CNKSR2: variants seen among roughly 807,000 people sequenced by gnomAD.
The protein encoded by CNKSR2 is CNK homolog protein 2.
In CNKSR2, 14 loss-of-function variants were observed where a neutral mutation model predicts 84.4. The observed-to-expected ratio is 0.17, with a 90% CI of 0.11 to 0.26. The LOEUF (loss-of-function observed/expected upper bound fraction) is 0.26, where lower values mean the gene tolerates loss of function less well. CNKSR2 is among the 10% of genes least tolerant of loss of function. CNKSR2 has a pLI of 1.00. For missense variants in CNKSR2, 485 were observed against 771.2 expected (o/e 0.63, Z 4.40); for synonymous variants, 275 against 277.9 (o/e 0.99, Z 0.10).
At chrX:21,638,395 A>T (rs2092680808) in intron 20 of CNKSR2, among the ~76,000 whole-genome samples, 1 of 112,200 alleles carries the variant, frequency 8.9e-6, no homozygotes, top group East Asian at 2.8e-4. Context: ...CAAAAAGAGA[A>T]AGAAACATCC....
intron 4 of CNKSR2, among the ~76,000 whole-genome samples, chrX:21,444,980 T>G (rs2147093314): frequency 9.0e-6 from 1 of 111,532 alleles, no homozygotes; most frequent in African/African-American, 3.2e-5. Flanking sequence ...GGATATAAAT[T>G]ATGCTGGAGT....
At chrX:21,462,307 ATTAT>A (rs1416077616) in intron 4 of CNKSR2, among the ~76,000 whole-genome samples, 1 of 111,338 alleles carries the variant, frequency 9.0e-6, no homozygotes, top group Non-Finnish European at 1.9e-5. Context: ...TGAAAATGGG[ATTAT>A]TTTTGTTTTC....
intron 11 of CNKSR2, among the ~76,000 whole-genome samples, chrX:21,560,480 C>T (rs1050980407): frequency 1.8e-5 from 2 of 110,829 alleles, no homozygotes; most frequent in Admixed American, 1.9e-4. Context: ...CAATTTAATA[C>T]TTATGAAACT....
chrX:21,584,924 C>G (rs2092376361), intron 13 of CNKSR2, among the ~76,000 whole-genome samples: 1 of 110,476 alleles, frequency 9.1e-6, no homozygotes, highest in African/African-American at 3.3e-5. Flanking sequence ...ATATTTTAAC[C>G]AGATCACTCT....
At chrX:21,546,274 A>G (rs1480393231) in intron 11 of CNKSR2, among the ~76,000 whole-genome samples, 1 of 109,040 alleles carries the variant, frequency 9.2e-6, no homozygotes, top group Non-Finnish European at 1.9e-5. Flanking sequence ...TTCGTGAAGC[A>G]TACACAAGTA....
intron 4 of CNKSR2, among the ~76,000 whole-genome samples, chrX:21,444,357 A>G (rs1016876955): frequency 3.6e-5 from 4 of 111,616 alleles, no homozygotes; most frequent in African/African-American, 9.7e-5. Flanking sequence ...TTGACATTTC[A>G]TATCATTTAC....
At chrX:21,590,443 T>TG (rs1354155317) in intron 13 of CNKSR2, 129 bp from the exon 14 acceptor site, 2 of 476,450 alleles carry the variant, frequency 4.2e-6, no homozygotes, top group Non-Finnish European at 6.7e-6. Flanking sequence ...TGAGGCTTTG[T>TG]GGGGAAAAAG....
chrX:21,421,115 TG>T (rs2090489582), intron 1 of CNKSR2, among the ~76,000 whole-genome samples: 2 of 110,817 alleles, frequency 1.8e-5, no homozygotes. Flanking sequence ...GCTCCCTCTG[TG>T]GGTGGGCATC....
intron 4 of CNKSR2, among the ~76,000 whole-genome samples, chrX:21,452,696 T>C (rs1345051964): frequency 1.8e-5 from 2 of 110,504 alleles, no homozygotes; most frequent in Admixed American, 9.7e-5. Flanking sequence ...TGTGGAAGAA[T>C]TGGCCGTGTT....
chrX:21,421,812 G>T (rs150426584), intron 1 of CNKSR2: 2,009 of 110,540 alleles, frequency 0.018, 111 homozygotes, highest in Admixed American at 0.16. Flanking sequence ...TTCAGTCCAG[G>T]GTTCTGTGCT....
intron 15 of CNKSR2, chrX:21,591,583 G>T (rs1426984592): frequency 9.1e-6 from 1 of 110,208 alleles, no homozygotes; most frequent in Admixed American, 9.8e-5. Context: ...TTAGAAGTGG[G>T]GAAGGGGAAG....
intron 11 of CNKSR2, among the ~76,000 whole-genome samples, chrX:21,550,747 ATG>A (rs1164926382): frequency 9.8e-5 from 11 of 111,899 alleles, no homozygotes; most frequent in Admixed American, 7.6e-4. Flanking sequence ...ATAAAAAAGG[ATG>A]AGTTTGCCGG....
At chrX:21,633,229 A>G (rs1346398075) in intron 20 of CNKSR2, among the ~76,000 whole-genome samples, 1 of 111,481 alleles carries the variant, frequency 9.0e-6, no homozygotes, top group Non-Finnish European at 1.9e-5. Context: ...ACATTCCTCA[A>G]AGTGACTTAG....
chrX:21,578,415 G>A (rs1417101734), intron 13 of CNKSR2, among the ~76,000 whole-genome samples: 1 of 110,710 alleles, frequency 9.0e-6, no homozygotes, highest in Non-Finnish European at 1.9e-5. Context: ...TTAAAATTCA[G>A]CTATAGGTCA....
At chrX:21,516,727 A>T in intron 9 of CNKSR2, 96 bp downstream of exon 9, 1 of 786,477 alleles carries the variant, frequency 1.3e-6, no homozygotes, top group Non-Finnish European at 1.8e-6. Flanking sequence ...CAGCATATGG[A>T]TTAATCTTGT....
chrX:21,596,126 C>T (rs2092449725), intron 17 of CNKSR2, among the ~76,000 whole-genome samples: 1 of 111,764 alleles, frequency 8.9e-6, no homozygotes, highest in Non-Finnish European at 1.9e-5. Flanking sequence ...AGCATAGCAT[C>T]ATGGTCAGGA....
intron 1 of CNKSR2, among the ~76,000 whole-genome samples, chrX:21,381,663 G>T (rs1484956738): frequency 1.8e-5 from 2 of 112,150 alleles, no homozygotes; most frequent in East Asian, 2.8e-4. Context: ...GACTCTTGAA[G>T]GTTTGGCCAT....
chrX:21,451,391 A>G (rs1204082636), intron 4 of CNKSR2, among the ~76,000 whole-genome samples: 1 of 110,904 alleles, frequency 9.0e-6, no homozygotes, highest in East Asian at 2.9e-4. Context: ...ATAAAGACAC[A>G]TGCACACCTA....
At chrX:21,583,400 A>G (rs750215438) in intron 13 of CNKSR2, among the ~76,000 whole-genome samples, 2 of 112,006 alleles carry the variant, frequency 1.8e-5, no homozygotes, top group African/African-American at 3.2e-5. Flanking sequence ...TTCTTCCTAC[A>G]TACAATAATT....
Sources: gnomAD v4.1 joint callset for allele counts (sites outside exome capture counted in the v4.1 genomes callset) on GRCh38, gnomAD v4.1.1 for gene constraint, MANE v1.5 for transcripts, NCBI Gene and HGNC (gene_info 2026-07-23, HGNC 2026-07-21) for gene names.